SORBS2: variants seen among roughly 807,000 people sequenced by gnomAD.
The protein encoded by SORBS2 is sorbin and SH3 domain-containing protein 2.
In SORBS2, 46 loss-of-function variants were observed where a neutral mutation model predicts 97.7. The observed-to-expected ratio is 0.47, with a 90% CI of 0.37 to 0.60. The LOEUF is 0.60. Ranked by LOEUF, SORBS2 falls within the 20% of genes least tolerant of loss-of-function variation. SORBS2 has a pLI of 0.00. For missense variants in SORBS2, 1,316 were observed against 1,282.3 expected, an observed-to-expected ratio of 1.03 and a Z score of -0.40; for synonymous variants, 476 against 473.4, an observed-to-expected ratio of 1.01 and a Z score of -0.07.
In SORBS2 at chr4:185,727,299, G is replaced by A. The variant is rs148527170; in HGVS notation, c.-198+47928C>T. On this transcript the variant is annotated intron_variant, in intron 2 of 20. Transcript: ENST00000284776. The stretch of plus-strand genomic sequence containing the variant: ...TATTAACGACCCTATTGCTTATGCC[G>A]TCACAATTACAGCTAACCAGATAGG... Among the ~76,000 whole-genome samples, 95 of 152,254 alleles carry A rather than the reference G, an allele frequency of 6.2e-4. No individual in the cohort carries two copies. In the East Asian group the frequency reaches 0.013, roughly 21 times the overall value.
Position 185,731,888 on chromosome 4 carries a change from ATATATATATATATATATATATG to A in SORBS2, c.-198+43317_-198+43338del, listed in dbSNP as rs1427644084. Among the ~76,000 whole-genome samples the A allele has an allele frequency of 1.3e-3, 124 of 93,614 alleles. 1 individual carries two copies. Among genetic ancestry groups the A allele is most frequent in the African/African-American group, 4.5e-3 (114 of 25,616 alleles). The allele number at this position is 93,614 out of a possible 152,430, so 61.4% of individuals were successfully genotyped here. A position where few individuals can be genotyped will look rare whatever the true frequency, so the allele number is the denominator to read the frequency against. On this transcript the variant is annotated intron_variant, in intron 2 of 20. Coordinates refer to the SORBS2 transcript ENST00000284776. The stretch of plus-strand genomic sequence containing the variant: ...TCTCTATATATATATATATATATAT[ATATATATATATATATATATATG>A]TCTGTTTCTCTGTCTCACTCTAGAT...
chr4:185,897,889 T>A lies in SORBS2; in HGVS notation c.-338+58307A>T, dbSNP rs893263837. Among the ~76,000 whole-genome samples the A allele has an allele frequency of 5.3e-5, 8 of 152,122 alleles. No individual in the cohort carries two copies. The South Asian group carries it at 1.7e-3, about 32-fold the overall frequency. On this transcript the variant is annotated intron_variant, in intron 1 of 20. Transcript: ENST00000284776. ...CTGTCTCCACTCAAAAAAAAAAATT[T>A]AGCAGGATGTGGTGGCAGGTGCCTG...
intron 2 of SORBS2, among the ~76,000 whole-genome samples, chr4:185,737,397 G>A (rs765703773): frequency 6.6e-6 from 1 of 152,066 alleles, no homozygotes; most frequent in African/African-American, 2.4e-5. Context: ...TGGAACCATC[G>A]CCCTCCCTGG....
At chr4:185,702,366 C>G (rs1037058785) in intron 2 of SORBS2, among the ~76,000 whole-genome samples, 11 of 152,072 alleles carry the variant, frequency 7.2e-5, no homozygotes, top group African/African-American at 2.7e-4. Flanking sequence ...GTGCCAGGCT[C>G]TTTTCAACAA....
At chr4:185,871,317 AC>A (rs1348988323) in intron 1 of SORBS2, among the ~76,000 whole-genome samples, 1 of 152,228 alleles carries the variant, frequency 6.6e-6, no homozygotes, top group Non-Finnish European at 1.5e-5. Context: ...AGCCCATGAA[AC>A]AAAGAATCCT....
intron 1 of SORBS2, among the ~76,000 whole-genome samples, chr4:185,867,976 C>T (rs912941980): frequency 6.6e-6 from 1 of 152,046 alleles, no homozygotes; most frequent in Non-Finnish European, 1.5e-5. Context: ...CTCTTGAGGC[C>T]TTTAAAGGCC....
chr4:185,869,608 G>C (rs1045808128), intron 1 of SORBS2, among the ~76,000 whole-genome samples: 2 of 152,224 alleles, frequency 1.3e-5, no homozygotes, highest in African/African-American at 4.8e-5. Context: ...CATTCACCAA[G>C]CTGGCTGAAA....
intron 11 of SORBS2, among the ~76,000 whole-genome samples, chr4:185,612,229 A>G (rs2096550336): frequency 6.6e-6 from 1 of 152,170 alleles, no homozygotes; most frequent in African/African-American, 2.4e-5. Flanking sequence ...GATTAATGTG[A>G]ACGGGTTTAT....
intron 1 of SORBS2, among the ~76,000 whole-genome samples, chr4:185,946,187 T>C (rs184177405): frequency 0.041 from 1,272 of 31,110 alleles, 15 homozygotes; most frequent in Middle Eastern, 0.12. Context: ...CCATAGGATG[T>C]TGGGGGGGTG....
At chr4:185,681,805 A>G (rs1428308566) in intron 2 of SORBS2, among the ~76,000 whole-genome samples, 1 of 151,954 alleles carries the variant, frequency 6.6e-6, no homozygotes, top group Non-Finnish European at 1.5e-5. Flanking sequence ...GGCCCTTTCC[A>G]CTGTTATCAT....
intron 2 of SORBS2, among the ~76,000 whole-genome samples, chr4:185,731,900 ATATATATAT>A (rs1353757257): frequency 5.3e-4 from 45 of 85,110 alleles, no homozygotes; most frequent in Non-Finnish European, 6.9e-4. Context: ...ATATATATAT[ATATATATAT>A]GTCTGTTTCT....
chr4:185,827,297 T>C (rs796135868), intron 1 of SORBS2, among the ~76,000 whole-genome samples: 22 of 67,032 alleles, frequency 3.3e-4, no homozygotes, highest in East Asian at 9.7e-4. Flanking sequence ...ACCATCATCA[T>C]CATCACCATC....
chr4:185,829,655 GTTTTC>G (rs1479533798), intron 1 of SORBS2, among the ~76,000 whole-genome samples: 1 of 151,976 alleles, frequency 6.6e-6, no homozygotes, highest in Non-Finnish European at 1.5e-5. Context: ...AGAAGAATGA[GTTTTC>G]TTTTAAGTTT....
rs564132595 is a variant in SORBS2 at position 185,621,634 on chromosome 4, T to C, written c.2215+1280A>G. On this transcript the variant is annotated intron_variant, in intron 7 of 14. Coordinates refer to ENST00000418609, the Ensembl canonical transcript of SORBS2. The stretch of plus-strand genomic sequence containing the variant: ...GCCTAAGGGTAGGCAAAGATAAACG[T>C]AAGTGTATAGTGTAGCAAAAGTGAA... Among the ~76,000 whole-genome samples, 77 of 98,574 alleles carry C rather than the reference T, an allele frequency of 7.8e-4. No individual in the cohort carries two copies. The East Asian group carries it at 0.015, about 19-fold the overall frequency. The allele number at this position is 98,574 out of a possible 152,430, so 64.7% of individuals were successfully genotyped here. A position where few individuals can be genotyped will look rare whatever the true frequency, so the allele number is the denominator to read the frequency against.
At chr4:185,678,640 A>G (rs1039068960) in intron 3 of SORBS2, 93 bp from the exon 7 acceptor site, 2 of 1,369,440 alleles carry the variant, frequency 1.5e-6, no homozygotes, top group Non-Finnish European at 2.0e-6. Context: ...AATCATTTTT[A>G]TTTCCAAAAT....
intron 2 of SORBS2, among the ~76,000 whole-genome samples, chr4:185,700,996 T>C (rs2098253085): frequency 6.6e-6 from 1 of 152,250 alleles, no homozygotes; most frequent in Non-Finnish European, 1.5e-5. Context: ...GAAGCTTATT[T>C]GAACAAAGTT....
At chr4:185,902,956 C>G (rs1189197985) in intron 1 of SORBS2, among the ~76,000 whole-genome samples, 1 of 152,088 alleles carries the variant, frequency 6.6e-6, no homozygotes, top group African/African-American at 2.4e-5. Flanking sequence ...CACAGGCATG[C>G]CTTCACAGAA....
chr4:185,817,243 C>G (rs985162436), intron 1 of SORBS2, among the ~76,000 whole-genome samples: 28 of 151,744 alleles, frequency 1.8e-4, no homozygotes, highest in Non-Finnish European at 4.4e-5. Flanking sequence ...CCACAATTAA[C>G]CCCCTCCCAC....
In SORBS2 at chr4:185,684,278, T is replaced by C. The variant is rs2097916327; in HGVS notation, c.-197-5456A>G. On this transcript the variant is annotated intron_variant, in intron 2 of 20. Coordinates refer to the SORBS2 transcript ENST00000284776. This position sits in a 1 kb window ranked among gnomAD's most constrained non-coding sequence, Gnocchi z 4.2. ...CCTATCTGTGGGTACATGTGAATCT[T>C]AATTGGTCAAGATTTTGGTATGTTT... Among the ~76,000 whole-genome samples the C allele has an allele frequency of 6.6e-6, 1 of 152,176 alleles. No homozygotes were observed. Among genetic ancestry groups the C allele is most frequent in the Non-Finnish European group, 1.5e-5 (1 of 68,028 alleles).
Sources: gnomAD v4.1 joint callset for allele counts (sites outside exome capture counted in the v4.1 genomes callset) on GRCh38, gnomAD v4.1.1 for gene constraint, Gnocchi (gnomAD v3.1) non-coding constraint, MANE v1.5 for transcripts, NCBI Gene and HGNC (gene_info 2026-07-23, HGNC 2026-07-21) for gene names.